The following ZNF410 variants were observed in gnomAD, a reference collection of about 807,000 sequenced individuals.
ZNF410 encodes another partner for ARF 1.
A neutral mutation model predicts 54.8 loss-of-function variants in ZNF410; 18 were observed. That is an observed-to-expected ratio of 0.33 (90% CI 0.23 to 0.49). ZNF410 has a LOEUF of 0.49. ZNF410 is among the 20% of genes least tolerant of loss of function. The pLI is 0.99. For synonymous variants in ZNF410, 191 were observed against 207.3 expected, an observed-to-expected ratio of 0.92 and a Z score of 0.68; for missense variants, 405 against 569.6, an observed-to-expected ratio of 0.71 and a Z score of 2.94.
At chr14:73,898,294 T>C (rs2055353971) in intron 5 of ZNF410, 32 bp downstream of exon 5, 2 of 1,611,250 alleles carry the variant, frequency 1.2e-6, no homozygotes, top group Non-Finnish European at 8.5e-7. Flanking sequence ...CTTGCCACTA[T>C]TCTGTGCAAA....
intron 5 of ZNF410, among the ~76,000 whole-genome samples, chr14:73,900,912 T>G (rs2055396523): frequency 6.6e-6 from 1 of 152,226 alleles, no homozygotes; most frequent in South Asian, 2.1e-4. Context: ...ACATTTCTTC[T>G]TTCAGTGTGG....
intron 11 of ZNF410, among the ~76,000 whole-genome samples, chr14:73,928,360 G>A (rs2140333208): frequency 6.6e-6 from 1 of 152,202 alleles, no homozygotes; most frequent in South Asian, 2.1e-4. Context: ...GAGTGTGATG[G>A]GACATGGGAT....
chr14:73,931,730 G>T lies in ZNF410; in HGVS notation c.*189G>T, dbSNP rs1594773133. On this transcript the variant is annotated 3_prime_UTR_variant, in exon 12 of 12. Transcript: ENST00000555044. Reference sequence around the variant, plus strand: ...AGAGCTTCTTTTCTAACTACCATCTGATCAGACAAGGAATGAAGCAATGAC... The same window carrying T: ...AGAGCTTCTTTTCTAACTACCATCTTATCAGACAAGGAATGAAGCAATGAC... The T allele has an allele frequency of 3.3e-6, 2 of 604,438 alleles. No homozygotes were observed. The highest frequency in any genetic ancestry group is 3.0e-6 in the Non-Finnish European group (1 of 336,364). The allele number at this position is 604,438 out of a possible 1,614,324, so 37.4% of individuals were successfully genotyped here.
intron 5 of ZNF410, among the ~76,000 whole-genome samples, chr14:73,901,231 A>C (rs938351883): frequency 6.6e-6 from 1 of 152,202 alleles, no homozygotes; most frequent in African/African-American, 2.4e-5. Flanking sequence ...ATTACTTACA[A>C]ATTGTCTAAG....
intron 11 of ZNF410, among the ~76,000 whole-genome samples, chr14:73,926,380 CT>C (rs34301902): frequency 2.0e-5 from 3 of 151,088 alleles, no homozygotes; most frequent in Non-Finnish European, 4.4e-5. Flanking sequence ...TATAATAGTC[CT>C]TTTTTTTCAG....
At chr14:73,930,520 A>G (rs1048660424) in intron 11 of ZNF410, among the ~76,000 whole-genome samples, 45 of 152,260 alleles carry the variant, frequency 3.0e-4, no homozygotes, top group Middle Eastern at 3.4e-3. Context: ...CACCAAGTAA[A>G]TACATCTCAA....
At position 73,925,790 on chromosome 14, in the gene ZNF410, C is replaced by T. The variant is rs113492465; in HGVS notation, c.1398+2268C>T. The stretch of plus-strand genomic sequence containing the variant: ...CCCATGCCTATAATCCCAGCACTTT[C>T]GGAGGTGGAGGCAAGTGGATTGCTT... On this transcript the variant is annotated intron_variant, in intron 11 of 11. Coordinates refer to ENST00000555044, the MANE Select transcript of ZNF410 (RefSeq NM_021188.3). 8.5e-4 allele frequency among the ~76,000 whole-genome samples: 130 copies of T among 152,162 alleles called. 2 individuals are homozygous for T. The East Asian group carries it at 0.018, about 21-fold the overall frequency.
intron 10 of ZNF410, 189 bp downstream of exon 10, chr14:73,922,395 G>C: frequency 4.4e-6 from 2 of 450,522 alleles, no homozygotes; most frequent in Non-Finnish European, 7.3e-6. Flanking sequence ...TTTCATTGAA[G>C]ATAATATAAT....
intron 11 of ZNF410, among the ~76,000 whole-genome samples, chr14:73,930,313 A>G (rs1326520235): frequency 6.6e-6 from 1 of 152,142 alleles, no homozygotes; most frequent in African/African-American, 2.4e-5. Context: ...TAAATTCCAT[A>G]TAATTAAACT....
chr14:73,895,332 T>G (rs1353721165), intron 3 of ZNF410: 3 of 152,124 alleles, frequency 2.0e-5, no homozygotes, highest in African/African-American at 7.2e-5. Flanking sequence ...TGTAAGTTAG[T>G]ACAGCCATTA....
chr14:73,901,533 A>G (rs72627122), intron 5 of ZNF410, among the ~76,000 whole-genome samples: 23,278 of 151,414 alleles, frequency 0.15, 2,351 homozygotes, highest in East Asian at 0.49. Flanking sequence ...GCCTTATTCT[A>G]TGTATTCATT....
intron 10 of ZNF410, 104 bp downstream of exon 10, chr14:73,922,310 T>G (rs190519637): frequency 8.2e-7 from 1 of 1,222,414 alleles, no homozygotes; most frequent in African/African-American, 1.5e-5. Context: ...TTCTTATGAG[T>G]AGCTGTGGTA....
chr14:73,900,455 A>G (rs1594749896), intron 5 of ZNF410, among the ~76,000 whole-genome samples: 2 of 151,636 alleles, frequency 1.3e-5, no homozygotes, highest in East Asian at 3.9e-4. Flanking sequence ...GCTCACTGCA[A>G]ACTCTGCCTC....
In ZNF410 at chr14:73,896,515, T is replaced by C. The variant is rs746128169; in HGVS notation, c.369T>C (p.Leu123=). 1 of 1,614,182 alleles carries C rather than the reference T, an allele frequency of 6.2e-7. No homozygotes were observed. The highest frequency in any genetic ancestry group is 8.5e-7 in the Non-Finnish European group (1 of 1,180,026). The part of the protein sequence containing the change: ...LQPSDSTSFI[L]LNLTRAGLGS... ...CAAGTGATAGCACTTCTTTTATTCTTCTTAACCTAACAAGAGCAGGTATTC... is the reference window on the plus strand; with the variant it reads ...CAAGTGATAGCACTTCTTTTATTCTCCTTAACCTAACAAGAGCAGGTATTC... Residue 123 remains leucine (L), a synonymous_variant, in exon 4 of 12, where the codon CTT becomes CTC. Transcript: ENST00000555044.
chr14:73,891,055 G>A (rs2055221397), intron 1 of ZNF410, among the ~76,000 whole-genome samples: 1 of 150,802 alleles, frequency 6.6e-6, no homozygotes, highest in African/African-American at 2.4e-5. Context: ...AGGGTCCTGA[G>A]AGCACTACCT....
At chr14:73,894,424 T>C (rs1310944566) in intron 3 of ZNF410, 4 of 148,792 alleles carry the variant, frequency 2.7e-5, no homozygotes, top group Non-Finnish European at 5.4e-5. Flanking sequence ...ACATACTTGC[T>C]TTTTTTTTTT....
intron 2 of ZNF410, among the ~76,000 whole-genome samples, chr14:73,892,792 G>A (rs926569690): frequency 2.0e-5 from 3 of 152,042 alleles, no homozygotes; most frequent in South Asian, 2.1e-4. Context: ...TGTAAAATAT[G>A]CCTTAAGTTT....
Position 73,932,377 on chromosome 14 carries a change from A to C in ZNF410, c.*836A>C. 7.0e-6 allele frequency: 3 copies of C among 427,712 alleles called. No homozygotes were observed. Among genetic ancestry groups the C allele is most frequent in the South Asian group, 5.1e-5 (3 of 58,926 alleles). 26.5% of individuals were successfully genotyped at this position (427,712 alleles called of 1,614,324 possible). On this transcript the variant is annotated 3_prime_UTR_variant, in exon 12 of 12. Coordinates refer to ENST00000555044, the MANE Select transcript of ZNF410 (RefSeq NM_021188.3). ...TGTATTGATTTACCCTTAGGATTCC[A>C]TACCAGTAAAACTGAACCGAGGAGT...
intron 11 of ZNF410, chr14:73,927,024 A>G (rs370575964): frequency 5.5e-4 from 84 of 153,816 alleles, no homozygotes; most frequent in African/African-American, 2.4e-4. Flanking sequence ...GCCTAGATCT[A>G]TTTTTCATTA....
Sources: gnomAD v4.1 joint callset for allele counts (sites outside exome capture counted in the v4.1 genomes callset) on GRCh38, gnomAD v4.1.1 for gene constraint, MANE v1.5 for transcripts, NCBI Gene and HGNC (gene_info 2026-07-23, HGNC 2026-07-21) for gene names.